Variants in TRPC5 observed in about 807,000 individuals in gnomAD.
The protein encoded by TRPC5 is short transient receptor potential channel 5.
Under a neutral mutation model 56.5 loss-of-function variants are expected in TRPC5, and 9 were observed. That is an observed-to-expected ratio of 0.16 (90% CI 0.10 to 0.28). The LOEUF (loss-of-function observed/expected upper bound fraction) is 0.28, where lower values mean the gene tolerates loss of function less well. TRPC5 is among the 10% of genes least tolerant of loss of function. The pLI is 1.00. For synonymous variants in TRPC5, 282 were observed against 278.5 expected, an observed-to-expected ratio of 1.01 and a Z score of -0.13; for missense variants, 469 against 748.9, an observed-to-expected ratio of 0.63 and a Z score of 4.36.
chrX:111,840,239 C>G lies in TRPC5; in HGVS notation c.1701-5123G>C, dbSNP rs1477232933. On this transcript the variant is annotated intron_variant, in intron 6 of 10. Transcript: ENST00000262839. ...CAGGTGTCTTGCTATATTGCCCATG[C>G]TTGTCTTGAACTCCTAGCCTCAAGT... Among the ~76,000 whole-genome samples the G allele has an allele frequency of 1.8e-5, 2 of 111,853 alleles. 1 individual carries two copies. The highest frequency in any genetic ancestry group is 8.5e-3 in the Middle Eastern group (2 of 236).
intron 5 of TRPC5, among the ~76,000 whole-genome samples, chrX:111,849,276 A>G (rs1923016363): frequency 8.9e-6 from 1 of 112,481 alleles, no homozygotes; most frequent in African/African-American, 3.2e-5. Context: ...TGGCAAATCT[A>G]TACTTTGAAC....
chrX:111,907,496 A>G (rs767639870), intron 3 of TRPC5, among the ~76,000 whole-genome samples: 1 of 110,013 alleles, frequency 9.1e-6, no homozygotes, highest in South Asian at 4.0e-4. Context: ...GTGGTGGTGC[A>G]TGCCTGTAGT....
At chrX:111,926,079 G>A (rs1926250096) in intron 2 of TRPC5, among the ~76,000 whole-genome samples, 1 of 112,243 alleles carries the variant, frequency 8.9e-6, no homozygotes, top group Admixed American at 9.4e-5. Flanking sequence ...CTATGGCCCT[G>A]GTTGGGTTCT....
At chrX:111,847,869 G>A (rs1276236685) in intron 5 of TRPC5, among the ~76,000 whole-genome samples, 1 of 110,648 alleles carries the variant, frequency 9.0e-6, no homozygotes, top group Non-Finnish European at 1.9e-5. Flanking sequence ...CCCTCACTGG[G>A]CTCTGAGCAC....
rs1929400363 is a variant in TRPC5 at position 112,025,880 on chromosome X, T to C, written c.-22+55999A>G. On this transcript the variant is annotated intron_variant, in intron 1 of 10. Transcript: ENST00000262839. ...ACTCTGCTATCCCCAGGCTTCCTAT[T>C]AGCCTCCTGTTGGCACCCTCAACCT... Among the ~76,000 whole-genome samples the C allele has an allele frequency of 3.6e-5, 4 of 111,827 alleles. No individual in the cohort carries two copies. The Admixed American group carries it at 3.8e-4, about 11-fold the overall frequency.
Position 112,075,422 on chromosome X carries a change from C to G in TRPC5, c.-22+6457G>C, listed in dbSNP as rs747846049. Among the ~76,000 whole-genome samples, 10 of 111,844 alleles carry G rather than the reference C, an allele frequency of 8.9e-5. No homozygotes were observed. The South Asian group carries it at 3.7e-3, about 42-fold the overall frequency. On this transcript the variant is annotated intron_variant, in intron 1 of 10. Coordinates refer to ENST00000262839, the MANE Select transcript of TRPC5 (RefSeq NM_012471.3). Reference sequence around the variant, plus strand: ...ATCATATAGAAACTGTAGTGAATGTCATTTAAAACCCCATATTTGTAGCAC... The same window carrying G: ...ATCATATAGAAACTGTAGTGAATGTGATTTAAAACCCCATATTTGTAGCAC...
chrX:111,848,764 C>T (rs1282934429), intron 5 of TRPC5, among the ~76,000 whole-genome samples: 3 of 112,201 alleles, frequency 2.7e-5, no homozygotes, highest in Non-Finnish European at 1.9e-5. Context: ...GACTTTTAGG[C>T]GGCCAATCAG....
chrX:112,003,908 C>T (rs144703692), intron 1 of TRPC5, among the ~76,000 whole-genome samples: 93 of 112,091 alleles, frequency 8.3e-4, no homozygotes, highest in African/African-American at 2.7e-3. Flanking sequence ...TAAAATGCAA[C>T]GGCTACCTAG....
intron 9 of TRPC5, among the ~76,000 whole-genome samples, chrX:111,779,639 G>A (rs1299883833): frequency 8.9e-6 from 1 of 112,244 alleles, no homozygotes; most frequent in Non-Finnish European, 1.9e-5. Context: ...TTACTGCAAT[G>A]TGTCAGGCAA....
intron 2 of TRPC5, among the ~76,000 whole-genome samples, chrX:111,945,187 C>T (rs766819885): frequency 1.8e-5 from 2 of 108,950 alleles, no homozygotes; most frequent in Non-Finnish European, 3.8e-5. Context: ...CTCTGAATTG[C>T]GGTTGGATTT....
intron 2 of TRPC5, among the ~76,000 whole-genome samples, chrX:111,951,099 A>G (rs919943380): frequency 1.8e-5 from 2 of 111,753 alleles, no homozygotes; most frequent in Non-Finnish European, 3.8e-5. Context: ...CATGCTAGAG[A>G]CAAGGAGACC....
At chrX:112,049,503 A>G (rs1930159100) in intron 1 of TRPC5, among the ~76,000 whole-genome samples, 1 of 106,624 alleles carries the variant, frequency 9.4e-6, no homozygotes, top group Non-Finnish European at 1.9e-5. Flanking sequence ...TAATTAATAG[A>G]TAATACATAA....
In TRPC5 at chrX:111,924,246, G is replaced by T. The variant is rs757271215; in HGVS notation, c.379-11434C>A. 9.0e-5 allele frequency among the ~76,000 whole-genome samples: 10 copies of T among 111,242 alleles called. No homozygotes were observed. In the East Asian group the frequency reaches 2.8e-3, roughly 32 times the overall value. On this transcript the variant is annotated intron_variant, in intron 2 of 10. Coordinates refer to ENST00000262839, the MANE Select transcript of TRPC5 (RefSeq NM_012471.3). ...TCTTATTTTATATTTTTTCTAATGG[G>T]TACTGATATTGATAAGAGCACATTT...
At position 111,982,568 on chromosome X, in the gene TRPC5, G is replaced by A. The variant is rs771899103; in HGVS notation, c.-21-30127C>T. 3.6e-5 allele frequency among the ~76,000 whole-genome samples: 4 copies of A among 111,713 alleles called. No individual in the cohort carries two copies. The East Asian group carries it at 1.1e-3, about 31-fold the overall frequency. ...ACATATTCTTCCTTACCTTCATTAT[G>A]GAGTAGTAGTTCAATTTTCCATTGG... On this transcript the variant is annotated intron_variant, in intron 1 of 10. Transcript: ENST00000262839.
At chrX:111,994,141 A>G (rs1372567750) in intron 1 of TRPC5, among the ~76,000 whole-genome samples, 3 of 111,841 alleles carry the variant, frequency 2.7e-5, no homozygotes, top group Non-Finnish European at 5.6e-5. Context: ...TTTTCCCAGC[A>G]CCATTTATTA....
chrX:111,912,604 C>A lies in TRPC5; in HGVS notation c.587G>T (p.Arg196Leu). 1 of 1,211,316 alleles carries A rather than the reference C, an allele frequency of 8.3e-7. No homozygotes were observed. The highest frequency in any genetic ancestry group is 1.1e-6 in the Non-Finnish European group (1 of 895,447). Residue 196 changes from arginine to leucine, a missense_variant, in exon 3 of 11, where the codon CGA becomes CTA. Physicochemically the swap from Arg to Leu is moderately radical, Grantham distance 102. Coordinates refer to ENST00000262839, the MANE Select transcript of TRPC5 (RefSeq NM_012471.3). ...TGCCAGAGCCTTATAGATGTTCAGT[C>A]GGGAGCGAGAGTGGCGCAGGCTGTC... is the stretch of plus-strand genomic sequence containing the variant. The part of the protein sequence containing the change: ...EVDSLRHSRS[R>L]LNIYKALASP...
At chrX:111,920,510 AT>A (rs60073262) in intron 2 of TRPC5, among the ~76,000 whole-genome samples, 2 of 111,009 alleles carry the variant, frequency 1.8e-5, no homozygotes, top group East Asian at 5.7e-4. Context: ...TTGTTCTTAT[AT>A]TTTAGGTTAG....
At chrX:111,930,261 A>T (rs995053607) in intron 2 of TRPC5, among the ~76,000 whole-genome samples, 6 of 110,974 alleles carry the variant, frequency 5.4e-5, no homozygotes, top group Admixed American at 1.9e-4. Flanking sequence ...CAGCCTGGCC[A>T]ACATGAAGAA....
intron 2 of TRPC5, among the ~76,000 whole-genome samples, chrX:111,921,360 C>A (rs1926121725): frequency 9.0e-6 from 1 of 111,575 alleles, no homozygotes; most frequent in African/African-American, 3.3e-5. Flanking sequence ...GACTCTTGGC[C>A]TACCTACTGG....
Sources: gnomAD v4.1 joint callset for allele counts (sites outside exome capture counted in the v4.1 genomes callset) on GRCh38, gnomAD v4.1.1 for gene constraint, MANE v1.5 for transcripts, NCBI Gene and HGNC (gene_info 2026-07-23, HGNC 2026-07-21) for gene names.